Variants in FOXK2 observed in about 807,000 individuals in gnomAD.
FOXK2 encodes forkhead box protein K2.
A neutral mutation model predicts 53.3 loss-of-function variants in FOXK2; 24 were observed. The ratio of observed to expected loss-of-function variants is 0.45; its 90% CI spans 0.33 to 0.63. The LOEUF is 0.63. Ranked by LOEUF, FOXK2 falls within the 30% of genes least tolerant of loss-of-function variation. The pLI is 0.03. For synonymous variants in FOXK2, 505 were observed against 407.1 expected, an observed-to-expected ratio of 1.24 and a Z score of -2.89; for missense variants, 952 against 910.5, an observed-to-expected ratio of 1.05 and a Z score of -0.59.
In FOXK2 at chr17:82,602,545, T is replaced by C. The variant is rs8795; in HGVS notation, c.*1046T>C. On this transcript the variant is annotated 3_prime_UTR_variant, in exon 9 of 9. Transcript: ENST00000335255. ...CTCCGGCTCTAGGCGGCCTCTGACC[T>C]GCTGTCTACTCCCCACCTTCGGTGA... 0.83 allele frequency: 126,671 copies of C among 152,286 alleles called. 53,257 individuals carry two copies. The highest frequency in any genetic ancestry group is 0.91 in the Admixed American group (13,862 of 15,310). The allele number at this position is 152,286 out of a possible 1,614,324, so 9.4% of individuals were successfully genotyped here.
rs753569022 is a variant in FOXK2, at chr17:82,529,218, CTT to C, written c.419+8932_419+8933del. 9.4e-4 allele frequency among the ~76,000 whole-genome samples: 85 copies of C among 90,466 alleles called. No individual in the cohort carries two copies. In the East Asian group the frequency reaches 9.4e-3, roughly 10 times the overall value. 59.3% of individuals were successfully genotyped at this position (90,466 alleles called of 152,430 possible). A position where few individuals can be genotyped will look rare whatever the true frequency, so the allele number is the denominator to read the frequency against. ...CTGTTCAAATTATACTTGAAAGCGC[CTT>C]TTTTTTTTTTTTTTTTTTTTGAGAC... On this transcript the variant is annotated intron_variant, in intron 1 of 8. Transcript: ENST00000335255.
intron 1 of FOXK2, among the ~76,000 whole-genome samples, chr17:82,538,025 A>G (rs1210690536): frequency 6.6e-6 from 1 of 151,986 alleles, no homozygotes; most frequent in East Asian, 1.9e-4. Flanking sequence ...GGAGTTCGAG[A>G]CTAGCTTGGC....
intron 8 of FOXK2, among the ~76,000 whole-genome samples, chr17:82,592,289 T>C (rs1253927519): frequency 6.6e-6 from 1 of 152,264 alleles, no homozygotes; most frequent in African/African-American, 2.4e-5. Context: ...TGGGCTGAGC[T>C]GCGGTCCTGG....
At chr17:82,546,568 G>C (rs765143991) in intron 1 of FOXK2, among the ~76,000 whole-genome samples, 1 of 152,136 alleles carries the variant, frequency 6.6e-6, no homozygotes, top group African/African-American at 2.4e-5. Context: ...GAGGTAATCT[G>C]TAGAGTGCCC....
intron 1 of FOXK2, among the ~76,000 whole-genome samples, chr17:82,521,067 C>G (rs1450111309): frequency 6.6e-6 from 1 of 152,184 alleles, no homozygotes; most frequent in Non-Finnish European, 1.5e-5. Context: ...TTATCGTTTA[C>G]TCTGCTTGAA....
At chr17:82,533,813 G>A (rs1234904116) in intron 1 of FOXK2, among the ~76,000 whole-genome samples, 3 of 150,970 alleles carry the variant, frequency 2.0e-5, no homozygotes, top group Non-Finnish European at 2.9e-5. Flanking sequence ...GCGTGGTGAC[G>A]CACAGCTGTA....
At chr17:82,541,302 G>C (rs984906605) in intron 1 of FOXK2, among the ~76,000 whole-genome samples, 5 of 148,920 alleles carry the variant, frequency 3.4e-5, no homozygotes, top group African/African-American at 1.2e-4. Context: ...AGTCAGAGTT[G>C]TGCTGTATCG....
At chr17:82,552,725 G>A (rs1401913037) in intron 1 of FOXK2, among the ~76,000 whole-genome samples, 5 of 152,120 alleles carry the variant, frequency 3.3e-5, no homozygotes, top group African/African-American at 1.2e-4. Flanking sequence ...CCCTGGTGTC[G>A]TTTTGTGCCG....
At chr17:82,576,540 T>TG in intron 4 of FOXK2, 1 of 668,758 alleles carries the variant, frequency 1.5e-6, no homozygotes, top group South Asian at 1.7e-5. Context: ...AGATGTATTC[T>TG]GTCATCATGA....
intron 8 of FOXK2, chr17:82,588,291 C>T (rs2045215342): frequency 6.5e-6 from 1 of 153,194 alleles, no homozygotes; most frequent in African/African-American, 2.4e-5. Context: ...CCCTGTGTCT[C>T]CTCCTTCTCT....
At chr17:82,558,985 G>A (rs533005955) in intron 1 of FOXK2, among the ~76,000 whole-genome samples, 3 of 152,010 alleles carry the variant, frequency 2.0e-5, no homozygotes, top group South Asian at 4.1e-4. Context: ...TCCTGACCTC[G>A]TGATCTGCCC....
At chr17:82,569,035 AAGAACGCAACCTC>A (rs1224018568) in intron 3 of FOXK2, among the ~76,000 whole-genome samples, 1 of 152,164 alleles carries the variant, frequency 6.6e-6, no homozygotes, top group African/African-American at 2.4e-5. Context: ...AAAAAATAAA[AAGAACGCAACCTC>A]AGTGTCCCTA....
At chr17:82,531,333 G>A (rs2144051887) in intron 1 of FOXK2, among the ~76,000 whole-genome samples, 1 of 152,322 alleles carries the variant, frequency 6.6e-6, no homozygotes, top group South Asian at 2.1e-4. Flanking sequence ...ATAAATGTAA[G>A]TCAGATTAAA....
intron 4 of FOXK2, among the ~76,000 whole-genome samples, chr17:82,582,012 G>T (rs1230669742): frequency 6.6e-6 from 1 of 152,178 alleles, no homozygotes; most frequent in East Asian, 1.9e-4. Context: ...TGTCCATCCT[G>T]ATTTTCAGCC....
intron 1 of FOXK2, among the ~76,000 whole-genome samples, chr17:82,528,669 T>C (rs1221586087): frequency 6.6e-6 from 1 of 152,184 alleles, no homozygotes; most frequent in Non-Finnish European, 1.5e-5. Flanking sequence ...GACCAGAAAG[T>C]ACCTCGTGCC....
At position 82,580,561 on chromosome 17, in the gene FOXK2, TA is replaced by T. The variant is rs2045048221; in HGVS notation, c.910-2179del. Among the ~76,000 whole-genome samples, 2 of 1,582 alleles carry T rather than the reference TA, an allele frequency of 1.3e-3. 1 individual carries two copies. The highest frequency in any genetic ancestry group is 3.1e-3 in the Non-Finnish European group (2 of 654). 1.0% of individuals were successfully genotyped at this position (1,582 alleles called of 152,430 possible). On this transcript the variant is annotated intron_variant, in intron 4 of 8. Transcript: ENST00000335255. ...ACAGGGCCCAGATCCCTCCCACACA[TA>T]GCCCACCCCTCCTCTCCATGTCACC...
chr17:82,577,250 T>C, intron 4 of FOXK2: 1 of 1,282,626 alleles, frequency 7.8e-7, no homozygotes, highest in Non-Finnish European at 1.1e-6. Context: ...AAACTCCAGG[T>C]AGTACTTGTC....
chr17:82,594,398 T>C (rs1217789978), intron 8 of FOXK2, among the ~76,000 whole-genome samples: 1 of 149,408 alleles, frequency 6.7e-6, no homozygotes, highest in Non-Finnish European at 1.5e-5. Flanking sequence ...TTCGGGAGGC[T>C]GAGGCAGGAG....
At chr17:82,595,039 A>G (rs1476102819) in intron 8 of FOXK2, among the ~76,000 whole-genome samples, 1 of 152,222 alleles carries the variant, frequency 6.6e-6, no homozygotes, top group Admixed American at 6.5e-5. Flanking sequence ...GACCCTCTCC[A>G]CATAGTAAGT....
Sources: gnomAD v4.1 joint callset for allele counts (sites outside exome capture counted in the v4.1 genomes callset) on GRCh38, gnomAD v4.1.1 for gene constraint, MANE v1.5 for transcripts, NCBI Gene and HGNC (gene_info 2026-07-23, HGNC 2026-07-21) for gene names.